Variants in GRM5 observed in about 807,000 individuals in gnomAD.
GRM5 encodes glutamate metabotropic receptor 5.
A neutral mutation model predicts 83.1 loss-of-function variants in GRM5; 19 were observed. That is an observed-to-expected ratio of 0.23 (90% confidence interval 0.16 to 0.34). GRM5 has a LOEUF of 0.34. GRM5 is among the 10% of genes least tolerant of loss of function. The pLI is 1.00. For synonymous variants in GRM5, 675 were observed against 633.6 expected (o/e 1.07, Z -0.98); for missense variants, 1,160 against 1,588.3 (o/e 0.73, Z 4.58).
chr11:89,025,509 T>C (rs546991812), intron 2 of GRM5, among the ~76,000 whole-genome samples: 1 of 152,214 alleles, frequency 6.6e-6, no homozygotes, highest in Non-Finnish European at 1.5e-5. Flanking sequence ...AACCTGGAAG[T>C]GATCTATGCT....
At chr11:88,928,909 C>CAT (rs1945839192) in intron 2 of GRM5, among the ~76,000 whole-genome samples, 1 of 32,252 alleles carries the variant, frequency 3.1e-5, no homozygotes, top group African/African-American at 4.8e-5. Flanking sequence ...TGTGTATATA[C>CAT]ACACACACAC....
rs1565296638 is a variant in GRM5, at chr11:88,928,944, A to ACACACACACT, written c.662-78790_662-78789insAGTGTGTGTG. ...CACACACACACACACACACACACACACTCAAGAGTTTATTTCTTTGGTACT... is the reference window on the plus strand; with the variant it reads ...CACACACACACACACACACACACACACACACACACTCTCAAGAGTTTATTTCTTTGGTACT... On this transcript the variant is annotated intron_variant, in intron 2 of 9. Transcript: ENST00000305447. Among the ~76,000 whole-genome samples the ACACACACACT allele has an allele frequency of 4.5e-4, 68 of 151,088 alleles. 1 individual carries two copies. The highest frequency in any genetic ancestry group is 1.6e-3 in the African/African-American group (67 of 41,040).
intron 3 of GRM5, among the ~76,000 whole-genome samples, chr11:88,764,221 T>G (rs1328299043): frequency 6.6e-6 from 1 of 151,232 alleles, no homozygotes; most frequent in African/African-American, 2.4e-5. Context: ...GAAGCAAAAA[T>G]GAACAGATTT....
At chr11:88,859,774 T>A (rs191518662) in intron 2 of GRM5, among the ~76,000 whole-genome samples, 1 of 152,296 alleles carries the variant, frequency 6.6e-6, no homozygotes. Context: ...TTCCAAATAC[T>A]ACTGAATTGA....
intron 3 of GRM5, among the ~76,000 whole-genome samples, chr11:88,761,581 T>C (rs978485138): frequency 6.6e-6 from 1 of 152,126 alleles, no homozygotes; most frequent in African/African-American, 2.4e-5. Context: ...AATCATTCCA[T>C]GTTGATGAAT....
chr11:88,815,802 G>C (rs940732323), intron 3 of GRM5, among the ~76,000 whole-genome samples: 6 of 152,166 alleles, frequency 3.9e-5, no homozygotes, highest in Non-Finnish European at 7.3e-5. Context: ...CCACATACCT[G>C]TCATTAGGCC....
intron 2 of GRM5, among the ~76,000 whole-genome samples, chr11:88,859,507 TA>T (rs1424060023): frequency 6.6e-6 from 1 of 152,104 alleles, no homozygotes; most frequent in Non-Finnish European, 1.5e-5. Flanking sequence ...GTGTTATTAT[TA>T]AAACCAACCA....
At chr11:88,819,048 C>G (rs1943740470) in intron 3 of GRM5, among the ~76,000 whole-genome samples, 1 of 152,132 alleles carries the variant, frequency 6.6e-6, no homozygotes, top group South Asian at 2.1e-4. Context: ...ACTTCCAGCT[C>G]TAGGTGAAGG....
chr11:88,876,597 C>A (rs959602425), intron 2 of GRM5, among the ~76,000 whole-genome samples: 1 of 152,064 alleles, frequency 6.6e-6, no homozygotes, highest in African/African-American at 2.4e-5. Context: ...TAAGCTTAAT[C>A]ATTTCTAGCT....
intron 3 of GRM5, among the ~76,000 whole-genome samples, chr11:88,809,936 AC>A (rs1258390718): frequency 1.7e-4 from 26 of 152,176 alleles, no homozygotes; most frequent in Admixed American, 1.4e-3. Context: ...TGTTTCTTAA[AC>A]CTGATATTTG....
chr11:88,713,177 T>C (rs1163043843), intron 3 of GRM5, among the ~76,000 whole-genome samples: 2 of 152,070 alleles, frequency 1.3e-5, no homozygotes, highest in East Asian at 3.9e-4. Context: ...AAAAAACAAA[T>C]ATTTATTAAT....
Position 88,510,296 on chromosome 11 carries a change from G to A in GRM5, c.2727-792C>T, listed in dbSNP as rs573503030. The stretch of plus-strand genomic sequence containing the variant: ...AAATTAGGATCCTGGTGAATATTGA[G>A]GGACTGACAAGTTTTTTGAAGGCCT... On this transcript the variant is annotated intron_variant, in intron 9 of 9. Coordinates refer to ENST00000305447, the MANE Select transcript of GRM5 (RefSeq NM_001143831.3). Among the ~76,000 whole-genome samples the A allele has an allele frequency of 6.2e-4, 94 of 152,274 alleles. 2 individuals carry two copies. In the South Asian group the frequency reaches 0.012, roughly 20 times the overall value.
chr11:88,619,392 C>A (rs1938572511), intron 4 of GRM5, among the ~76,000 whole-genome samples: 2 of 152,182 alleles, frequency 1.3e-5, no homozygotes, highest in Admixed American at 6.5e-5. Flanking sequence ...TGTGGATTCT[C>A]TTGATAATTC....
At position 88,553,401 on chromosome 11, in the gene GRM5, G is replaced by A. The variant is rs531840723; in HGVS notation, c.2630+13652C>T. Among the ~76,000 whole-genome samples the A allele has an allele frequency of 7.2e-5, 11 of 152,238 alleles. No individual in the cohort carries two copies. The South Asian group carries it at 1.7e-3, about 23-fold the overall frequency. Reference sequence around the variant, plus strand: ...TGTCCACAGTTCACTCAGAGTTCCTGTTCCCCCTCATTTTCCTCTGATGTT... The same window carrying A: ...TGTCCACAGTTCACTCAGAGTTCCTATTCCCCCTCATTTTCCTCTGATGTT... On this transcript the variant is annotated intron_variant, in intron 8 of 9. Transcript: ENST00000305447.
chr11:88,609,772 A>G (rs1295802639), intron 4 of GRM5, among the ~76,000 whole-genome samples: 1 of 152,102 alleles, frequency 6.6e-6, no homozygotes, highest in Non-Finnish European at 1.5e-5. Flanking sequence ...TTTTGTTGCA[A>G]TTGCTTTGGG....
intron 2 of GRM5, among the ~76,000 whole-genome samples, chr11:88,919,852 A>T (rs1221179463): frequency 6.6e-6 from 1 of 152,098 alleles, no homozygotes. Context: ...CATGAAGCCA[A>T]TGAAAATGAA....
intron 3 of GRM5, among the ~76,000 whole-genome samples, chr11:88,703,824 T>C (rs930532793): frequency 4.6e-5 from 7 of 152,080 alleles, no homozygotes; most frequent in African/African-American, 1.7e-4. Flanking sequence ...GCACTGACAA[T>C]ATGCTAAGGT....
intron 2 of GRM5, among the ~76,000 whole-genome samples, chr11:88,951,153 G>C (rs1057476530): frequency 6.6e-6 from 1 of 152,122 alleles, no homozygotes; most frequent in African/African-American, 2.4e-5. Context: ...AGAGGTCTAT[G>C]TATTTCATTT....
At chr11:88,545,864 T>G (rs903992328) in intron 8 of GRM5, among the ~76,000 whole-genome samples, 11 of 152,260 alleles carry the variant, frequency 7.2e-5, no homozygotes, top group Admixed American at 2.6e-4. Flanking sequence ...CGAAGCTTCC[T>G]ATCACATTCA....
Sources: gnomAD v4.1 joint callset for allele counts (sites outside exome capture counted in the v4.1 genomes callset) on GRCh38, gnomAD v4.1.1 for gene constraint, MANE v1.5 for transcripts, NCBI Gene and HGNC (gene_info 2026-07-23, HGNC 2026-07-21) for gene names.